The following FBXO34 variants were observed in gnomAD, a reference collection of about 807,000 sequenced individuals.
FBXO34 encodes F-box protein 34.
FBXO34 carries 12 observed loss-of-function variants against 24.5 expected under a neutral mutation model. The ratio of observed to expected loss-of-function variants is 0.49; its 90% CI spans 0.31 to 0.79. FBXO34 has a LOEUF of 0.79. FBXO34 is among the 30% of genes least tolerant of loss of function. FBXO34 has a pLI of 0.04. For synonymous variants in FBXO34, 320 were observed against 311.9 expected, an observed-to-expected ratio of 1.03 and a Z score of -0.27; for missense variants, 823 against 857.7, an observed-to-expected ratio of 0.96 and a Z score of 0.51.
chr14:55,352,689 G>A lies in FBXO34; in HGVS notation c.*163G>A, dbSNP rs1884436141. 1 of 650,454 alleles carries A rather than the reference G, an allele frequency of 1.5e-6. No individual in the cohort carries two copies. Among genetic ancestry groups the A allele is most frequent in the Non-Finnish European group, 2.5e-6 (1 of 402,614 alleles). The allele number at this position is 650,454 out of a possible 1,614,324, so 40.3% of individuals were successfully genotyped here. A position where few individuals can be genotyped will look rare whatever the true frequency, so the allele number is the denominator to read the frequency against. The stretch of plus-strand genomic sequence containing the variant: ...TTTCTAAACTCTAAATTTACGAGCT[G>A]TACAAAAAAATTGGTCTTGTTGTTT... On this transcript the variant is annotated 3_prime_UTR_variant, in exon 2 of 2. Coordinates refer to ENST00000313833, the MANE Select transcript of FBXO34 (RefSeq NM_017943.4).
rs190891571 is a variant in FBXO34, at chr14:55,293,419, G to A, written c.-11+21882G>A. Among the ~76,000 whole-genome samples the A allele has an allele frequency of 1.1e-4, 16 of 152,296 alleles. No individual in the cohort carries two copies. The East Asian group carries it at 2.7e-3, about 26-fold the overall frequency. On this transcript the variant is annotated intron_variant, in intron 1 of 1. Transcript: ENST00000313833. ...GGCTGGTCTTGAACTTTGACCTCAA[G>A]GGTTCTTCCTACCTTGGCCTCCCAA...
At chr14:55,426,792 G>A in the FBXO34 span, among the ~76,000 whole-genome samples, 2 of 152,172 alleles carry the variant, frequency 1.3e-5, no homozygotes, top group Non-Finnish European at 2.9e-5. Flanking sequence ...ACAGGGATGG[G>A]CCCACTCCGT....
chr14:55,276,457 A>T (rs900757145), intron 1 of FBXO34, among the ~76,000 whole-genome samples: 1 of 152,052 alleles, frequency 6.6e-6, no homozygotes, highest in African/African-American at 2.4e-5. Context: ...ACATTTCCCC[A>T]TGCCTATTAT....
At chr14:55,432,242 C>T in the FBXO34 span, among the ~76,000 whole-genome samples, 1 of 85,006 alleles carries the variant, frequency 1.2e-5, no homozygotes, top group East Asian at 3.3e-4. Flanking sequence ...ACCCCCGTCT[C>T]TACAAAAAAA....
At chr14:55,321,260 A>G (rs965920921) in intron 1 of FBXO34, among the ~76,000 whole-genome samples, 3 of 151,626 alleles carry the variant, frequency 2.0e-5, no homozygotes, top group Non-Finnish European at 2.9e-5. Flanking sequence ...TCAGAAGGAT[A>G]TTGTCCACAA....
chr14:55,277,942 G>A (rs1226081407), intron 1 of FBXO34, among the ~76,000 whole-genome samples: 1 of 152,104 alleles, frequency 6.6e-6, no homozygotes, highest in African/African-American at 2.4e-5. Flanking sequence ...TAAACTTTGA[G>A]CGGGCTGAAT....
chr14:55,306,519 G>A (rs1049256154), intron 1 of FBXO34, among the ~76,000 whole-genome samples: 9 of 152,164 alleles, frequency 5.9e-5, no homozygotes, highest in East Asian at 1.9e-4. Flanking sequence ...GAAATAGTAC[G>A]TGGTCTTTCA....
At chr14:55,323,262 C>A in intron 1 of FBXO34, among the ~76,000 whole-genome samples, 1 of 116,098 alleles carries the variant, frequency 8.6e-6, no homozygotes, top group Non-Finnish European at 1.7e-5. Flanking sequence ...GACAGAGTCT[C>A]ACTTATGTTG....
At chr14:55,406,828 ATTTC>A in the FBXO34 span, among the ~76,000 whole-genome samples, 1 of 152,096 alleles carries the variant, frequency 6.6e-6, no homozygotes. Flanking sequence ...GAACCCTAAA[ATTTC>A]TTTTTTATTC....
At chr14:55,372,602 C>T (rs374955425), downstream of FBXO34, among the ~76,000 whole-genome samples, 27 of 151,772 alleles carry the variant, frequency 1.8e-4, no homozygotes, top group East Asian at 4.5e-3. Context: ...TCCTTCCCTT[C>T]CTCCTTCCCT....
downstream of FBXO34, among the ~76,000 whole-genome samples, chr14:55,371,685 T>TC (rs1405246856): frequency 6.6e-6 from 1 of 152,040 alleles, no homozygotes; most frequent in Non-Finnish European, 1.5e-5. Context: ...GCACCTGTAG[T>TC]CCCGGCTACT....
chr14:55,330,583 A>G (rs1411199701), intron 1 of FBXO34, among the ~76,000 whole-genome samples: 2 of 152,104 alleles, frequency 1.3e-5, no homozygotes, highest in Non-Finnish European at 2.9e-5. Flanking sequence ...CAGGAGTTCA[A>G]GACCAGCCTG....
the FBXO34 span, among the ~76,000 whole-genome samples, chr14:55,380,104 C>T: frequency 6.6e-6 from 1 of 152,182 alleles, no homozygotes; most frequent in South Asian, 2.1e-4. Context: ...AAAAATTAGC[C>T]AGGCGTGGTC....
chr14:55,405,935 A>G, the FBXO34 span, among the ~76,000 whole-genome samples: 1 of 151,252 alleles, frequency 6.6e-6, no homozygotes, highest in Non-Finnish European at 1.5e-5. Context: ...CAGAGGAGGT[A>G]TTGTTCAGGA....
At chr14:55,436,740 C>A in the FBXO34 span, 1 of 1,614,156 alleles carries the variant, frequency 6.2e-7, no homozygotes, top group Admixed American at 1.7e-5. Context: ...TTAAGCCCAG[C>A]CCAACGTCCT....
At chr14:55,315,054 T>TC (rs1028483312) in intron 1 of FBXO34, among the ~76,000 whole-genome samples, 6 of 152,194 alleles carry the variant, frequency 3.9e-5, no homozygotes, top group South Asian at 2.1e-4. Flanking sequence ...AATGTTTTTG[T>TC]CCCCCCATTT....
the FBXO34 span, among the ~76,000 whole-genome samples, chr14:55,397,943 C>CTTTTTTT: frequency 2.3e-4 from 24 of 105,526 alleles, no homozygotes; most frequent in East Asian, 5.8e-4. Flanking sequence ...TGCAGTAATT[C>CTTTTTTT]TTTTTTTTTT....
rs1374564363 is a variant in FBXO34, at chr14:55,353,333, G to A, written c.*807G>A. ...TGTACATCTTGTATAAAATATGAATGTTTCCCAAATAAACTATGAATGTTT... is the reference window on the plus strand; with the variant it reads ...TGTACATCTTGTATAAAATATGAATATTTCCCAAATAAACTATGAATGTTT... On this transcript the variant is annotated 3_prime_UTR_variant, in exon 2 of 2. Transcript: ENST00000313833. The A allele has an allele frequency of 1.2e-5, 2 of 165,998 alleles. No homozygotes were observed. Among genetic ancestry groups the A allele is most frequent in the African/African-American group, 2.4e-5 (1 of 41,078 alleles). The allele number at this position is 165,998 out of a possible 1,614,324, so 10.3% of individuals were successfully genotyped here.
In FBXO34 at chr14:55,338,048, C is replaced by CTTTTTTTTTTTTTTTTTTTTTTTTTTTTT. The variant is rs58194693; in HGVS notation, c.-10-12314_-10-12313insTTTTTTTTTTTTTTTTTTTTTTTTTTTTT. Among the ~76,000 whole-genome samples, 39 of 88,254 alleles carry CTTTTTTTTTTTTTTTTTTTTTTTTTTTTT rather than the reference C, an allele frequency of 4.4e-4. 9 individuals carry two copies. Among genetic ancestry groups the CTTTTTTTTTTTTTTTTTTTTTTTTTTTTT allele is most frequent in the East Asian group, 1.8e-3 (4 of 2,252 alleles). The allele number at this position is 88,254 out of a possible 152,430, so 57.9% of individuals were successfully genotyped here. A position where few individuals can be genotyped will look rare whatever the true frequency, so the allele number is the denominator to read the frequency against. ...CAATTGGAGATAAGAGTATGTACTT[C>CTTTTTTTTTTTTTTTTTTTTTTTTTTTTT]TTTTTTTTTTTTTTTTTTTGAGATG... is the stretch of plus-strand genomic sequence containing the variant. On this transcript the variant is annotated intron_variant, in intron 1 of 1. Coordinates refer to ENST00000313833, the MANE Select transcript of FBXO34 (RefSeq NM_017943.4).
Sources: allele counts gnomAD v4.1 joint callset (sites outside exome capture counted in the v4.1 genomes callset), GRCh38; gene constraint gnomAD v4.1.1; transcripts MANE v1.5; gene names NCBI Gene and HGNC (gene_info 2026-07-23, HGNC 2026-07-21).